Variants in LRMDA observed in about 807,000 individuals in gnomAD.
The protein encoded by LRMDA is leucine rich melanocyte differentiation associated.
LRMDA carries 18 observed loss-of-function variants against 29.8 expected under a neutral mutation model. The observed-to-expected ratio is 0.60, with a 90% confidence interval of 0.42 to 0.90. The LOEUF is 0.90. LRMDA is among the 40% of genes least tolerant of loss of function. LRMDA has a pLI of 0.00. For missense variants in LRMDA, 273 were observed against 273.9 expected (o/e 1.00, Z 0.02); for synonymous variants, 125 against 109.4 (o/e 1.14, Z -0.89).
chr10:76,313,381 C>A (rs1249425032), intron 5 of LRMDA, among the ~76,000 whole-genome samples: 2 of 152,128 alleles, frequency 1.3e-5, no homozygotes, highest in Admixed American at 1.3e-4. Context: ...ACCATTATCA[C>A]TGTTAGTCAA....
chr10:76,157,662 G>A (rs1294931203), intron 5 of LRMDA, among the ~76,000 whole-genome samples: 3 of 151,622 alleles, frequency 2.0e-5, no homozygotes, highest in East Asian at 3.9e-4. Context: ...GTAGACCTCC[G>A]AGATGGACAG....
chr10:76,288,623 A>G (rs558628494), intron 5 of LRMDA, among the ~76,000 whole-genome samples: 1 of 152,332 alleles, frequency 6.6e-6, no homozygotes, highest in Non-Finnish European at 1.5e-5. Context: ...GGCCTAGTGC[A>G]GGAGCTCAGT....
At chr10:75,447,157 T>C (rs578033569) in intron 2 of LRMDA, among the ~76,000 whole-genome samples, 18 of 152,340 alleles carry the variant, frequency 1.2e-4, no homozygotes, top group African/African-American at 4.3e-4. Flanking sequence ...CAAGGTTCTA[T>C]GTATGTTAGA....
At chr10:75,853,203 A>G (rs1387313998) in intron 2 of LRMDA, among the ~76,000 whole-genome samples, 1 of 152,188 alleles carries the variant, frequency 6.6e-6, no homozygotes, top group Non-Finnish European at 1.5e-5. Context: ...AGTGGAATGA[A>G]GATAGGGTTT....
chr10:75,581,504 G>T (rs1026785871), intron 2 of LRMDA, among the ~76,000 whole-genome samples: 1 of 152,150 alleles, frequency 6.6e-6, no homozygotes, highest in South Asian at 2.1e-4. Flanking sequence ...GGAAGACAGT[G>T]TGGTGATTCC....
chr10:76,152,652 C>T (rs1236267882), intron 5 of LRMDA, among the ~76,000 whole-genome samples: 1 of 152,140 alleles, frequency 6.6e-6, no homozygotes, highest in African/African-American at 2.4e-5. Flanking sequence ...ACTAGCAATA[C>T]ATGAGAGTTT....
At chr10:76,464,066 C>T (rs553784188) in intron 6 of LRMDA, among the ~76,000 whole-genome samples, 2 of 151,818 alleles carry the variant, frequency 1.3e-5, no homozygotes, top group Non-Finnish European at 2.9e-5. Flanking sequence ...ATTACAGGCA[C>T]GAACCACCAC....
intron 5 of LRMDA, among the ~76,000 whole-genome samples, chr10:76,115,548 G>A (rs970919126): frequency 6.6e-6 from 1 of 152,250 alleles, no homozygotes; most frequent in East Asian, 1.9e-4. Flanking sequence ...TGAGATGGGA[G>A]GAGGTGCAGG....
At chr10:75,647,613 C>T (rs184667289) in intron 2 of LRMDA, 5 of 152,212 alleles carry the variant, frequency 3.3e-5, no homozygotes, top group African/African-American at 9.7e-5. Flanking sequence ...TTTTTTGTGA[C>T]CCCTGTATGG....
At chr10:75,565,513 A>G (rs1840360651) in intron 2 of LRMDA, among the ~76,000 whole-genome samples, 1 of 152,210 alleles carries the variant, frequency 6.6e-6, no homozygotes, top group South Asian at 2.1e-4. Flanking sequence ...TTTCAAAGAT[A>G]AAGTCTGTCA....
chr10:76,364,394 A>G (rs1484362949), intron 6 of LRMDA, among the ~76,000 whole-genome samples: 2 of 152,198 alleles, frequency 1.3e-5, no homozygotes, highest in Non-Finnish European at 2.9e-5. Flanking sequence ...TCTAAAAACT[A>G]TATGGACGTT....
At chr10:76,143,261 C>T (rs555493676) in intron 5 of LRMDA, among the ~76,000 whole-genome samples, 200 of 152,268 alleles carry the variant, frequency 1.3e-3, no homozygotes, top group African/African-American at 4.6e-3. Flanking sequence ...CCTGAGAAAT[C>T]GCCACACTGA....
chr10:75,622,318 T>TAA (rs10660810), intron 2 of LRMDA, among the ~76,000 whole-genome samples: 106,122 of 151,744 alleles, frequency 0.7, 37,287 homozygotes, highest in East Asian at 0.79. Context: ...TGAAAAAATA[T>TAA]GATACCCCAA....
chr10:76,422,140 A>C (rs1842077912), intron 6 of LRMDA, among the ~76,000 whole-genome samples: 1 of 151,872 alleles, frequency 6.6e-6, no homozygotes, highest in Non-Finnish European at 1.5e-5. Flanking sequence ...CTTCAGTCTA[A>C]TTTTGTCCAC....
intron 2 of LRMDA, among the ~76,000 whole-genome samples, chr10:75,741,468 C>T (rs928474373): frequency 3.3e-5 from 5 of 151,920 alleles, no homozygotes; most frequent in African/African-American, 9.7e-5. Flanking sequence ...GATTAGGTTA[C>T]ACTCACCCAG....
At chr10:75,739,399 A>T (rs1243766110) in intron 2 of LRMDA, among the ~76,000 whole-genome samples, 1 of 152,180 alleles carries the variant, frequency 6.6e-6, no homozygotes, top group East Asian at 1.9e-4. Context: ...CCATGTACAA[A>T]ATTCATATGC....
chr10:76,441,769 T>C (rs1271133233), intron 6 of LRMDA, among the ~76,000 whole-genome samples: 1 of 151,988 alleles, frequency 6.6e-6, no homozygotes, highest in Non-Finnish European at 1.5e-5. Flanking sequence ...GGCATACACA[T>C]GAGATTCTTA....
chr10:75,750,054 AT>A (rs1437956813), intron 2 of LRMDA, among the ~76,000 whole-genome samples: 2 of 152,168 alleles, frequency 1.3e-5, no homozygotes, highest in African/African-American at 4.8e-5. Context: ...TAACAATCTG[AT>A]TTCTCTTTCT....
At chr10:76,106,563 A>C (rs1849488506) in intron 5 of LRMDA, among the ~76,000 whole-genome samples, 1 of 152,180 alleles carries the variant, frequency 6.6e-6, no homozygotes, top group African/African-American at 2.4e-5. Context: ...GGAGTCCGTC[A>C]CAAGCATCTA....
Sources: allele counts gnomAD v4.1 joint callset (sites outside exome capture counted in the v4.1 genomes callset), GRCh38; gene constraint gnomAD v4.1.1; transcripts MANE v1.5; gene names NCBI Gene and HGNC (gene_info 2026-07-23, HGNC 2026-07-21).